The following TRIM49B variants were observed in gnomAD, a reference collection of about 807,000 sequenced individuals.
TRIM49B encodes the protein putative tripartite motif-containing protein 49B.
TRIM49B carries 18 observed loss-of-function variants against 31.8 expected under a neutral mutation model. The ratio of observed to expected loss-of-function variants is 0.57; its 90% CI spans 0.39 to 0.84. TRIM49B has a LOEUF of 0.84. Ranked by LOEUF, TRIM49B falls within the 40% of genes least tolerant of loss-of-function variation. TRIM49B has a pLI of 0.00. For missense variants in TRIM49B, 494 were observed against 538.7 expected (o/e 0.92, Z 0.82); for synonymous variants, 196 against 180.6 (o/e 1.09, Z -0.68).
rs538255278 is a variant in TRIM49B at position 49,034,126 on chromosome 11, C to T, written c.508-20C>T. On this transcript the variant is annotated intron_variant, in intron 3 of 6. Coordinates refer to ENST00000332682, the MANE Select transcript of TRIM49B (RefSeq NM_001206626.2). ...ATGGATATATACATTTCTCTTTTGA[C>T]TAACCCATTATCACTGCAGGATTAT... The T allele has an allele frequency of 6.2e-7, 1 of 1,611,452 alleles. No individual in the cohort carries two copies. The highest frequency in any genetic ancestry group is 8.5e-7 in the Non-Finnish European group (1 of 1,179,528).
chr11:49,034,936 T>C (rs1180029395), intron 4 of TRIM49B, among the ~76,000 whole-genome samples, 159 bp from the exon 5 acceptor site: 1 of 152,106 alleles, frequency 6.6e-6, no homozygotes, highest in Non-Finnish European at 1.5e-5. Flanking sequence ...ACTGACTGGG[T>C]TTTTCATTAC....
At chr11:49,030,104 C>T (rs1590633345) in intron 1 of TRIM49B, among the ~76,000 whole-genome samples, 2 of 152,116 alleles carry the variant, frequency 1.3e-5, no homozygotes, top group South Asian at 2.1e-4. Flanking sequence ...AAAGCCAAAG[C>T]GGGCAGATAA....
At chr11:49,031,058 C>G (rs1267940640) in intron 1 of TRIM49B, among the ~76,000 whole-genome samples, 1 of 149,604 alleles carries the variant, frequency 6.7e-6, no homozygotes, top group Non-Finnish European at 1.5e-5. Context: ...AATTTTAAGT[C>G]CTGGGATAAC....
intron 2 of TRIM49B, 72 bp downstream of exon 2, chr11:49,032,082 A>T: frequency 5.0e-6 from 8 of 1,610,014 alleles, no homozygotes; most frequent in South Asian, 1.1e-5. Flanking sequence ...TTTCTTGGAG[A>T]TTGGATAAAA....
Position 49,037,561 on chromosome 11 carries a change from C to T in TRIM49B, c.943C>T (p.His315Tyr), listed in dbSNP as rs1158147682. ...GAGAAGCATGTGTATTGGATGTGAC[C>T]ATCAAGATGTACCCTATTTCACTGC... is the stretch of plus-strand genomic sequence containing the variant. ...ILRSMCIGCD[H>Y]QDVPYFTATP... Residue 315 changes from histidine (H) to tyrosine (Y), a missense_variant, in exon 7 of 7, where the codon CAT (histidine) becomes TAT (tyrosine). Physicochemically the swap from His to Tyr is moderately conservative, Grantham distance 83 (BLOSUM62 2). Around this residue, in one of 3 missense-constraint regions of TRIM49B, gnomAD observed 233 missense variants for 281.4 expected, o/e 0.83. Transcript: ENST00000332682. 3.1e-6 allele frequency: 5 copies of T among 1,614,080 alleles called. No homozygotes were observed. The highest frequency in any genetic ancestry group is 1.7e-5 in the Admixed American group (1 of 60,002).
intron 4 of TRIM49B, 89 bp downstream of exon 4, chr11:49,034,465 T>C: frequency 6.2e-7 from 1 of 1,610,874 alleles, no homozygotes. Flanking sequence ...CCTAATTTTA[T>C]TTCCATGATG....
rs753675579 is a variant in TRIM49B at position 49,037,563 on chromosome 11, T to A, written c.945T>A (p.His315Gln). The change falls in exon 7 of 7, where the codon CAT becomes CAA. Residue 315 changes from histidine to glutamine, a missense_variant. By Grantham distance (24) the His-to-Gln change is conservative. Around this residue, in one of 3 missense-constraint regions of TRIM49B, gnomAD observed 233 missense variants for 281.4 expected, o/e 0.83. Coordinates refer to ENST00000332682, the MANE Select transcript of TRIM49B (RefSeq NM_001206626.2). The stretch of plus-strand genomic sequence containing the variant: ...GAAGCATGTGTATTGGATGTGACCA[T>A]CAAGATGTACCCTATTTCACTGCAA... ...ILRSMCIGCD[H>Q]QDVPYFTATP... is the part of the protein sequence containing the mutation. 3.3e-5 allele frequency: 53 copies of A among 1,614,054 alleles called. No individual in the cohort carries two copies. The highest frequency in any genetic ancestry group is 4.2e-5 in the Non-Finnish European group (49 of 1,180,034).
At chr11:49,034,401 G>A in intron 4 of TRIM49B, 25 bp downstream of exon 4, 1 of 1,611,904 alleles carries the variant, frequency 6.2e-7, no homozygotes, top group South Asian at 1.1e-5. Context: ...TGTGGTTTCA[G>A]GTTTTTGAAT....
At position 49,031,808 on chromosome 11, in the gene TRIM49B, T is replaced by A; in HGVS notation, c.209T>A (p.Phe70Tyr). The change falls in exon 2 of 7, where the codon TTC becomes TAC. Residue 70 changes from phenylalanine to tyrosine, a missense_variant. Transcript: ENST00000332682. Reference protein sequence around the residue: ...GQINLKTNIHFKKMASLARKV... With the variant: ...GQINLKTNIHYKKMASLARKV... ...ATAAACCTCAAAACCAACATTCATTTCAAGAAGATGGCTTCTCTTGCTAGA... is the reference window on the plus strand; with the variant it reads ...ATAAACCTCAAAACCAACATTCATTACAAGAAGATGGCTTCTCTTGCTAGA... 3 of 1,614,016 alleles carry A rather than the reference T, an allele frequency of 1.9e-6. No individual in the cohort carries two copies. Among genetic ancestry groups the A allele is most frequent in the Non-Finnish European group, 2.5e-6 (3 of 1,179,874 alleles).
rs564181211 is a variant in TRIM49B, at chr11:49,036,301, G to C, written c.762G>C (p.Arg254Ser). The C allele has an allele frequency of 2.0e-6, 3 of 1,536,500 alleles. No homozygotes were observed. The highest frequency in any genetic ancestry group is 2.4e-5 in the South Asian group (2 of 84,156). Reference protein sequence around the residue: ...LLQAFGDILHRSESVLLHMPQ... With the variant: ...LLQAFGDILHSSESVLLHMPQ... ...TGTAACTGCAGGTTTTTCCTTGCAG[G>C]AGTGAGTCCGTGCTGCTGCACATGC... is the stretch of plus-strand genomic sequence containing the variant. The change falls in exon 6 of 7, where the codon AGG becomes AGC. Residue 254 changes from arginine to serine, a missense_variant and splice_region_variant. Transcript: ENST00000332682.
chr11:49,031,564 C>T (rs1435274613), intron 1 of TRIM49B, 32 bp from the exon 2 acceptor site: 2 of 1,609,528 alleles, frequency 1.2e-6, no homozygotes, highest in Non-Finnish European at 1.7e-6. Context: ...CAACCCAGGC[C>T]CCAAAATGAC....
At chr11:49,034,078 G>A (rs976484801) in intron 3 of TRIM49B, 68 bp from the exon 4 acceptor site, 1 of 1,608,500 alleles carries the variant, frequency 6.2e-7, no homozygotes, top group Admixed American at 1.7e-5. Context: ...GAGACAAAAG[G>A]AATCAGTGAG....
At chr11:49,032,894 G>A (rs1298183151) in intron 3 of TRIM49B, among the ~76,000 whole-genome samples, 1 of 152,138 alleles carries the variant, frequency 6.6e-6, no homozygotes, top group African/African-American at 2.4e-5. Context: ...CATAACATAC[G>A]ATGAGAAAAG....
At chr11:49,036,466 A>G (rs1854532349) in intron 6 of TRIM49B, 68 bp downstream of exon 6, 2 of 864,876 alleles carry the variant, frequency 2.3e-6, no homozygotes, top group African/African-American at 1.7e-5. Flanking sequence ...CACATAGGTA[A>G]TATTTCATAT....
At position 49,035,117 on chromosome 11, in the gene TRIM49B, G is replaced by C; in HGVS notation, c.761G>C (p.Arg254Thr). The change falls in exon 5 of 7, where the codon AGG (arginine) becomes ACG (threonine). Residue 254 changes from arginine to threonine, a missense_variant and splice_region_variant. By Grantham distance (71) the Arg-to-Thr change is moderately conservative. Transcript: ENST00000332682. Reference protein sequence around the residue: ...LLQAFGDILHRSESVLLHMPQ... With the variant: ...LLQAFGDILHTSESVLLHMPQ... ...CAGGCTTTTGGAGACATATTACACA[G>C]GTGAGTGTGTACCTAGATTTTAGCA... The C allele has an allele frequency of 6.3e-7, 1 of 1,598,328 alleles. No homozygotes were observed. The highest frequency in any genetic ancestry group is 1.1e-5 in the South Asian group (1 of 89,964).
At chr11:49,035,871 A>G (rs887428083) in intron 5 of TRIM49B, among the ~76,000 whole-genome samples, 2 of 152,202 alleles carry the variant, frequency 1.3e-5, no homozygotes, top group African/African-American at 2.4e-5. Context: ...TTAGAACTGT[A>G]TAAGTCTCTA....
At chr11:49,032,148 T>C in intron 2 of TRIM49B, 128 bp from the exon 3 acceptor site, 1 of 1,592,664 alleles carries the variant, frequency 6.3e-7, no homozygotes, top group Non-Finnish European at 8.5e-7. Context: ...TTCCAACCTC[T>C]GGGCTTTGAC....
At position 49,031,991 on chromosome 11, in the gene TRIM49B, C is replaced by G; in HGVS notation, c.392C>G (p.Ser131Trp). 3 of 1,611,956 alleles carry G rather than the reference C, an allele frequency of 1.9e-6. No homozygotes were observed. The highest frequency in any genetic ancestry group is 2.5e-6 in the Non-Finnish European group (3 of 1,179,854). Residue 131 changes from serine (S) to tryptophan (W), a missense_variant, in exon 2 of 7, where the codon TCG becomes TGG. This residue lies in a region of TRIM49B where 251 missense variants were observed against 232.8 expected (regional missense o/e 1.08). Transcript: ENST00000332682. ...HRDHRHCPIE[S>W]AAEEHQEKLL... ...GATCACAGACACTGTCCCATTGAGT[C>G]GGCTGCTGAGGAACACCAGGTAAGT...
chr11:49,030,179 A>G (rs1360188983), intron 1 of TRIM49B, among the ~76,000 whole-genome samples: 1 of 152,068 alleles, frequency 6.6e-6, no homozygotes, highest in Non-Finnish European at 1.5e-5. Flanking sequence ...ACTAAAAAAA[A>G]TACAAAAATT....
Sources: allele counts gnomAD v4.1 joint callset (sites outside exome capture counted in the v4.1 genomes callset), GRCh38; gene constraint gnomAD v4.1.1; regional missense constraint gnomAD v4.1.1; transcripts MANE v1.5; gene names NCBI Gene and HGNC (gene_info 2026-07-23, HGNC 2026-07-21).